Variants in CPNE8 observed in about 807,000 individuals in gnomAD.
CPNE8 encodes copine-8.
CPNE8 carries 45 observed loss-of-function variants against 81.5 expected under a neutral mutation model. The ratio of observed to expected loss-of-function variants is 0.55; its 90% CI spans 0.44 to 0.71. The LOEUF (loss-of-function observed/expected upper bound fraction) is 0.71. CPNE8 is among the 30% of genes least tolerant of loss of function. The pLI, the probability that CPNE8 is intolerant of heterozygous loss-of-function variation, is 0.00. For synonymous variants in CPNE8, 252 were observed against 226.3 expected (o/e 1.11, Z -1.02); for missense variants, 594 against 672.1 (o/e 0.88, Z 1.28).
chr12:38,721,956 C>T (rs1275236704), intron 13 of CPNE8, among the ~76,000 whole-genome samples: 1 of 152,152 alleles, frequency 6.6e-6, no homozygotes, highest in Non-Finnish European at 1.5e-5. Context: ...CGCTCACACA[C>T]CCCTCACCAC....
At chr12:38,886,007 T>C (rs549011701) in intron 1 of CPNE8, among the ~76,000 whole-genome samples, 1 of 152,238 alleles carries the variant, frequency 6.6e-6, no homozygotes, top group African/African-American at 2.4e-5. Flanking sequence ...GCCAATTAAA[T>C]CTCATTTCTT....
intron 10 of CPNE8, among the ~76,000 whole-genome samples, chr12:38,738,819 CT>C (rs60435915): frequency 0.094 from 13,235 of 141,134 alleles, 763 homozygotes; most frequent in East Asian, 0.24. Context: ...TTTTTTTTTT[CT>C]TTTTTTTTTT....
At chr12:38,743,865 C>A (rs1165520745) in intron 10 of CPNE8, among the ~76,000 whole-genome samples, 2 of 152,070 alleles carry the variant, frequency 1.3e-5, no homozygotes, top group African/African-American at 2.4e-5. Flanking sequence ...AAAAGCAGCA[C>A]TGAAATGTAT....
chr12:38,888,727 T>C (rs1396869898), intron 1 of CPNE8, among the ~76,000 whole-genome samples: 1 of 152,042 alleles, frequency 6.6e-6, no homozygotes, highest in African/African-American at 2.4e-5. Flanking sequence ...GGAAACAAAA[T>C]CTCAGTAGCA....
rs531051995 is a variant in CPNE8 at position 38,891,935 on chromosome 12, T to G, written c.98+13502A>C. Among the ~76,000 whole-genome samples, 57 of 152,340 alleles carry G rather than the reference T, an allele frequency of 3.7e-4. 1 individual carries two copies. In the South Asian group the frequency reaches 0.011, roughly 30 times the overall value. The stretch of plus-strand genomic sequence containing the variant: ...ACAAATAGATATTTTTAAACTTGGT[T>G]GGGGAGACAGGCGTGCAAAAACCTA... On this transcript the variant is annotated intron_variant, in intron 1 of 19. Transcript: ENST00000331366.
intron 7 of CPNE8, among the ~76,000 whole-genome samples, chr12:38,771,589 A>G (rs1480145626): frequency 6.6e-6 from 1 of 152,220 alleles, no homozygotes; most frequent in Non-Finnish European, 1.5e-5. Context: ...AAATAAGTTG[A>G]GATAATTAGG....
chr12:38,703,659 A>G (rs180779276), intron 13 of CPNE8, among the ~76,000 whole-genome samples: 5 of 152,270 alleles, frequency 3.3e-5, no homozygotes, highest in African/African-American at 1.2e-4. Flanking sequence ...AAGTCAAACT[A>G]TCTCTCTTCA....
At chr12:38,795,894 T>TAGATAGATAGAC (rs1357396655) in intron 6 of CPNE8, among the ~76,000 whole-genome samples, 1 of 152,038 alleles carries the variant, frequency 6.6e-6, no homozygotes, top group South Asian at 2.1e-4. Flanking sequence ...GATAGATAGA[T>TAGATAGATAGAC]AGATAGAAGA....
chr12:38,766,879 A>G (rs1941702613), intron 8 of CPNE8, among the ~76,000 whole-genome samples: 1 of 152,150 alleles, frequency 6.6e-6, no homozygotes, highest in Non-Finnish European at 1.5e-5. Context: ...ATTTAATCTG[A>G]TCAACAACCC....
At chr12:38,741,474 C>T (rs933632434) in intron 10 of CPNE8, among the ~76,000 whole-genome samples, 2 of 152,074 alleles carry the variant, frequency 1.3e-5, no homozygotes, top group African/African-American at 4.8e-5. Context: ...AACTGGCTAG[C>T]CATATGTAGA....
At chr12:38,718,399 G>A (rs1940462961) in intron 13 of CPNE8, among the ~76,000 whole-genome samples, 1 of 152,180 alleles carries the variant, frequency 6.6e-6, no homozygotes, top group Non-Finnish European at 1.5e-5. Flanking sequence ...AAGACAAAAA[G>A]TTCTGAAAGG....
At chr12:38,735,203 A>G (rs1344513697) in intron 10 of CPNE8, among the ~76,000 whole-genome samples, 2 of 151,740 alleles carry the variant, frequency 1.3e-5, no homozygotes, top group African/African-American at 4.8e-5. Context: ...CAAGTCCTGG[A>G]ACACATATCA....
chr12:38,854,252 C>T (rs1203972461), intron 3 of CPNE8, among the ~76,000 whole-genome samples: 1 of 151,824 alleles, frequency 6.6e-6, no homozygotes, highest in Non-Finnish European at 1.5e-5. Flanking sequence ...TACTCTTCCT[C>T]TTGGAAATAA....
At chr12:38,781,477 G>A (rs1592082916) in intron 6 of CPNE8, among the ~76,000 whole-genome samples, 2 of 152,096 alleles carry the variant, frequency 1.3e-5, no homozygotes, top group African/African-American at 2.4e-5. Flanking sequence ...TAATTCTATT[G>A]AAAATCAGTA....
At chr12:38,723,669 T>A in intron 13 of CPNE8, 103 bp downstream of exon 13, 1 of 760,142 alleles carries the variant, frequency 1.3e-6, no homozygotes, top group Non-Finnish European at 2.3e-6. Context: ...CATCAAAATA[T>A]AATAAAGGTG....
chr12:38,707,821 A>C (rs1940149418), intron 13 of CPNE8, among the ~76,000 whole-genome samples: 1 of 152,202 alleles, frequency 6.6e-6, no homozygotes, highest in African/African-American at 2.4e-5. Flanking sequence ...ATGGTCACTT[A>C]GCCTGCTATC....
chr12:38,867,305 AGTGTGTGTGTGTGTGT>A (rs35874005), intron 3 of CPNE8, among the ~76,000 whole-genome samples: 2 of 133,142 alleles, frequency 1.5e-5, no homozygotes, highest in Admixed American at 7.6e-5. Flanking sequence ...TGAATAGTAT[AGTGTGTGTGTGTGTGT>A]GTGTGTGTGT....
chr12:38,696,863 T>C (rs1238757299), intron 14 of CPNE8, among the ~76,000 whole-genome samples: 3 of 152,094 alleles, frequency 2.0e-5, no homozygotes, highest in African/African-American at 4.8e-5. Context: ...CTAGGCAACA[T>C]GGCAAAATCT....
At chr12:38,698,559 C>A (rs1045246215) in intron 14 of CPNE8, among the ~76,000 whole-genome samples, 2 of 152,114 alleles carry the variant, frequency 1.3e-5, no homozygotes, top group Non-Finnish European at 2.9e-5. Flanking sequence ...AGTATTTGAT[C>A]CATTTTGAGT....
Sources: gnomAD v4.1 joint callset for allele counts (sites outside exome capture counted in the v4.1 genomes callset) on GRCh38, gnomAD v4.1.1 for gene constraint, MANE v1.5 for transcripts, NCBI Gene and HGNC (gene_info 2026-07-23, HGNC 2026-07-21) for gene names.